Variants in NRXN3 observed in about 807,000 individuals in gnomAD.
The protein encoded by NRXN3 is neurexin 3.
NRXN3 carries 32 observed loss-of-function variants against 137.6 expected under a neutral mutation model. The ratio of observed to expected loss-of-function variants is 0.23; its 90% confidence interval spans 0.18 to 0.31. NRXN3 has a LOEUF of 0.31. NRXN3 is among the 10% of genes least tolerant of loss of function. NRXN3 has a pLI of 1.00. For missense variants in NRXN3, 1,574 were observed against 2,062.5 expected, an observed-to-expected ratio of 0.76 and a Z score of 4.59; for synonymous variants, 798 against 784.5, an observed-to-expected ratio of 1.02 and a Z score of -0.29.
intron 20 of NRXN3, among the ~76,000 whole-genome samples, chr14:79,809,523 C>CT (rs1437405901): frequency 9.2e-5 from 14 of 152,128 alleles, no homozygotes; most frequent in Admixed American, 3.3e-4. Flanking sequence ...TTTTATAAGT[C>CT]ACAGATACAA....
chr14:78,393,541 A>G lies in NRXN3; in HGVS notation c.757+95681A>G, dbSNP rs1046976437. ...TGTACAGTAAGTTTTGAAATCATGT[A>G]GATTGATTCCTCCTACTTCATTTTT... On this transcript the variant is annotated intron_variant, in intron 4 of 20. Transcript: ENST00000335750. Among the ~76,000 whole-genome samples the G allele has an allele frequency of 5.1e-4, 78 of 152,044 alleles. 5 individuals carry two copies.
chr14:79,133,159 G>T (rs1285745773), intron 15 of NRXN3, among the ~76,000 whole-genome samples: 1 of 152,212 alleles, frequency 6.6e-6, no homozygotes, highest in Non-Finnish European at 1.5e-5. Context: ...TTTTGTTGAA[G>T]ATTTCCCATG....
At chr14:79,639,654 G>C (rs60394402) in intron 16 of NRXN3, among the ~76,000 whole-genome samples, 3 of 152,154 alleles carry the variant, frequency 2.0e-5, no homozygotes, top group Non-Finnish European at 4.4e-5. Flanking sequence ...TTTCGCTGTA[G>C]AAGATGAAAC....
intron 1 of NRXN3, among the ~76,000 whole-genome samples, chr14:78,214,847 C>G (rs1339621376): frequency 6.6e-6 from 1 of 152,140 alleles, no homozygotes. Flanking sequence ...CTCGAGTGCA[C>G]TCTTTGCTGT....
At chr14:79,575,606 T>G (rs1389614434) in intron 16 of NRXN3, among the ~76,000 whole-genome samples, 1 of 151,690 alleles carries the variant, frequency 6.6e-6, no homozygotes, top group Non-Finnish European at 1.5e-5. Context: ...TTTTGCAGAG[T>G]TTTTGCCTTA....
At chr14:79,414,962 G>A (rs1318538042) in intron 15 of NRXN3, among the ~76,000 whole-genome samples, 1 of 152,000 alleles carries the variant, frequency 6.6e-6, no homozygotes. Context: ...TGCAGTATTT[G>A]TATTTCTGTT....
chr14:78,996,404 AG>A (rs1343382287), intron 15 of NRXN3, among the ~76,000 whole-genome samples: 1 of 152,214 alleles, frequency 6.6e-6, no homozygotes, highest in Non-Finnish European at 1.5e-5. Flanking sequence ...CTGACTGCAA[AG>A]TCTGGGCTCT....
At chr14:79,755,468 C>G (rs2099016110) in intron 19 of NRXN3, among the ~76,000 whole-genome samples, 2 of 151,148 alleles carry the variant, frequency 1.3e-5, no homozygotes, top group Non-Finnish European at 2.9e-5. Flanking sequence ...ATAAAAGGCT[C>G]TCATTTCTAT....
At chr14:78,350,042 C>T (rs909822175) in intron 4 of NRXN3, among the ~76,000 whole-genome samples, 3 of 152,166 alleles carry the variant, frequency 2.0e-5, no homozygotes, top group Non-Finnish European at 2.9e-5. Context: ...AATCCCAATA[C>T]TTTGGGAAGC....
At chr14:79,256,132 CTCTCTCTCTCTGTCTGTCTGTCTCTCTG>C (rs1422923090) in intron 15 of NRXN3, among the ~76,000 whole-genome samples, 1 of 151,334 alleles carries the variant, frequency 6.6e-6, no homozygotes, top group Non-Finnish European at 1.5e-5. Context: ...GTGTGTCTTT[CTCTCTCTCTCTGTCTGTCTGTCTCTCTG>C]TCTCTCTCTC....
At chr14:78,854,194 G>T (rs1347630198) in intron 10 of NRXN3, among the ~76,000 whole-genome samples, 1 of 152,152 alleles carries the variant, frequency 6.6e-6, no homozygotes, top group East Asian at 1.9e-4. Flanking sequence ...GCCGAATTTG[G>T]TGTTTCTAAT....
At chr14:78,268,290 G>T (rs4899706) in intron 2 of NRXN3, among the ~76,000 whole-genome samples, 117,398 of 151,922 alleles carry the variant, frequency 0.77, 45,749 homozygotes, top group African/African-American at 0.87. Context: ...GTTTTGTTTT[G>T]TTTTCAAAGA....
At chr14:79,154,839 G>A (rs10129768) in intron 15 of NRXN3, among the ~76,000 whole-genome samples, 6,781 of 151,952 alleles carry the variant, frequency 0.045, 547 homozygotes, top group African/African-American at 0.16. Context: ...ATGCAACTTC[G>A]TATATGTAAG....
chr14:79,065,454 A>G (rs1213817343), intron 15 of NRXN3, among the ~76,000 whole-genome samples: 2 of 152,166 alleles, frequency 1.3e-5, no homozygotes, highest in Admixed American at 1.3e-4. Flanking sequence ...AAGGGTGGCC[A>G]TGTAGCCTAT....
intron 15 of NRXN3, among the ~76,000 whole-genome samples, chr14:79,396,228 G>A (rs915005727): frequency 1.6e-4 from 25 of 151,944 alleles, no homozygotes; most frequent in Middle Eastern, 3.4e-3. Flanking sequence ...AACATAATAC[G>A]GGGGTTGCGT....
At position 79,017,245 on chromosome 14, in the gene NRXN3, A is replaced by G. The variant is rs748064163; in HGVS notation, c.3262+29104A>G. 8.8e-4 allele frequency among the ~76,000 whole-genome samples: 132 copies of G among 150,330 alleles called. No individual in the cohort carries two copies. In the Middle Eastern group the frequency reaches 0.01, roughly 12 times the overall value. ...CACGGATCACTGGCTGTGTGTGCCC[A>G]TCTACCCCTTTCTACAAGAACTTTT... On this transcript the variant is annotated intron_variant, in intron 15 of 20. Transcript: ENST00000335750.
At chr14:78,266,538 C>T (rs1386130339) in intron 2 of NRXN3, among the ~76,000 whole-genome samples, 1 of 152,146 alleles carries the variant, frequency 6.6e-6, no homozygotes, top group Non-Finnish European at 1.5e-5. Context: ...ACCTCATGAT[C>T]CGCCCACCTT....
intron 16 of NRXN3, among the ~76,000 whole-genome samples, chr14:79,528,495 CTATG>C (rs1374607831): frequency 6.6e-6 from 1 of 152,012 alleles, no homozygotes; most frequent in African/African-American, 2.4e-5. Context: ...AGTCACATCT[CTATG>C]TGAGTATGTT....
chr14:78,921,989 T>C (rs1169229080), intron 10 of NRXN3, among the ~76,000 whole-genome samples: 2 of 152,214 alleles, frequency 1.3e-5, no homozygotes, highest in Non-Finnish European at 2.9e-5. Context: ...TTTGTTCTGG[T>C]TTATCTCATC....
Sources: allele counts gnomAD v4.1 joint callset (sites outside exome capture counted in the v4.1 genomes callset), GRCh38; gene constraint gnomAD v4.1.1; transcripts MANE v1.5; gene names NCBI Gene and HGNC (gene_info 2026-07-23, HGNC 2026-07-21).